The following TNKS variants were observed in gnomAD, a reference collection of about 807,000 sequenced individuals.
The protein encoded by TNKS is poly [ADP-ribose] polymerase tankyrase-1.
TNKS carries 72 observed loss-of-function variants against 135.8 expected under a neutral mutation model. That is an observed-to-expected ratio of 0.53 (90% confidence interval 0.44 to 0.64). The LOEUF (loss-of-function observed/expected upper bound fraction) is 0.64. Ranked by LOEUF, TNKS falls within the 30% of genes least tolerant of loss-of-function variation. TNKS has a pLI of 0.00. For synonymous variants in TNKS, 849 were observed against 649.3 expected (o/e 1.31, Z -4.68); for missense variants, 1,769 against 1,674.0 (o/e 1.06, Z -0.99).
At chr8:9,747,956 G>T in intron 17 of TNKS, 68 bp from the exon 18 acceptor site, 1 of 1,409,398 alleles carries the variant, frequency 7.1e-7, no homozygotes, top group Non-Finnish European at 9.6e-7. Context: ...ATAAAAACAG[G>T]TATACACAAT....
chr8:9,574,154 T>C (rs1392332069), intron 1 of TNKS, among the ~76,000 whole-genome samples: 1 of 152,256 alleles, frequency 6.6e-6, no homozygotes, highest in African/African-American at 2.4e-5. Context: ...TTTAAATTGC[T>C]TTGAATATGT....
intron 1 of TNKS, among the ~76,000 whole-genome samples, chr8:9,570,985 TAA>T (rs960137748): frequency 3.9e-5 from 6 of 152,112 alleles, no homozygotes; most frequent in Admixed American, 3.3e-4. Flanking sequence ...AAAAAATAAA[TAA>T]AAATCAACCA....
chr8:9,588,016 G>C (rs1229973995), intron 2 of TNKS, among the ~76,000 whole-genome samples: 2 of 152,268 alleles, frequency 1.3e-5, no homozygotes, highest in East Asian at 3.9e-4. Flanking sequence ...AATGATACTT[G>C]TAAGAATTCT....
At chr8:9,570,441 G>C (rs1334457354) in intron 1 of TNKS, among the ~76,000 whole-genome samples, 4 of 152,184 alleles carry the variant, frequency 2.6e-5, no homozygotes, top group Admixed American at 2.0e-4. Flanking sequence ...CAGTGGGCTG[G>C]GCAGAACCAC....
intron 20 of TNKS, among the ~76,000 whole-genome samples, 198 bp downstream of exon 20, chr8:9,752,824 G>A (rs1219853348): frequency 1.3e-5 from 2 of 151,948 alleles, no homozygotes; most frequent in Admixed American, 6.6e-5. Flanking sequence ...AGCTGAGCAT[G>A]GTGACTTACT....
chr8:9,752,667 A>G (rs372310090), intron 20 of TNKS, 41 bp downstream of exon 20: 42 of 1,373,744 alleles, frequency 3.1e-5, no homozygotes, highest in African/African-American at 2.6e-4. Context: ...TAAATTAAAT[A>G]CTAAGATTAG....
intron 3 of TNKS, among the ~76,000 whole-genome samples, chr8:9,623,984 A>C (rs1269589064): frequency 6.6e-6 from 1 of 152,194 alleles, no homozygotes; most frequent in Non-Finnish European, 1.5e-5. Context: ...TCTGGGTGAC[A>C]GAGCAAGAGA....
chr8:9,599,755 C>T (rs1404677088), intron 2 of TNKS, among the ~76,000 whole-genome samples: 2 of 151,922 alleles, frequency 1.3e-5, no homozygotes, highest in Non-Finnish European at 2.9e-5. Context: ...ACAGAATAAT[C>T]TATACCTAAG....
intron 3 of TNKS, among the ~76,000 whole-genome samples, chr8:9,653,687 C>T (rs777228215): frequency 1.3e-5 from 2 of 152,174 alleles, no homozygotes; most frequent in Non-Finnish European, 2.9e-5. Context: ...TTAAAGGCCC[C>T]ACTTCTCAGC....
intron 3 of TNKS, among the ~76,000 whole-genome samples, chr8:9,626,580 C>T (rs1397684279): frequency 6.6e-6 from 1 of 152,146 alleles, no homozygotes; most frequent in Non-Finnish European, 1.5e-5. Flanking sequence ...GAAACCTAGG[C>T]ATGTTGAGTA....
intron 3 of TNKS, among the ~76,000 whole-genome samples, chr8:9,669,789 T>TTTTTTTTTTTTTTTTTGAGACGG (rs1563156349): frequency 6.6e-6 from 1 of 150,434 alleles, no homozygotes; most frequent in African/African-American, 2.5e-5. Flanking sequence ...TAACAGTCTT[T>TTTTTTTTTTTTTTTTTGAGACGG]ACTTCTTATA....
chr8:9,761,825 C>G (rs1033049755), intron 21 of TNKS, among the ~76,000 whole-genome samples, 189 bp downstream of exon 21: 1 of 152,158 alleles, frequency 6.6e-6, no homozygotes, highest in African/African-American at 2.4e-5. Context: ...TCAGTCTTCC[C>G]TGTCTCCCAA....
intron 22 of TNKS, 49 bp from the exon 23 acceptor site, chr8:9,764,667 G>GAATT (rs1244455907): frequency 6.9e-7 from 1 of 1,440,522 alleles, no homozygotes; most frequent in East Asian, 2.4e-5. Flanking sequence ...TCATTGTCTA[G>GAATT]AATTACACAC....
chr8:9,717,066 TATTATA>T (rs1312054559), intron 11 of TNKS, among the ~76,000 whole-genome samples: 1 of 90,824 alleles, frequency 1.1e-5, no homozygotes, highest in Non-Finnish European at 2.3e-5. Flanking sequence ...TAATCTGTTG[TATTATA>T]ATATATATAT....
chr8:9,629,622 G>A (rs1800205794), intron 3 of TNKS, among the ~76,000 whole-genome samples: 1 of 152,098 alleles, frequency 6.6e-6, no homozygotes, highest in African/African-American at 2.4e-5. Flanking sequence ...TGGTTGCTTT[G>A]TTTGAAATGT....
At chr8:9,755,250 A>G (rs1191794408) in intron 20 of TNKS, among the ~76,000 whole-genome samples, 1 of 152,208 alleles carries the variant, frequency 6.6e-6, no homozygotes, top group Non-Finnish European at 1.5e-5. Context: ...TTAATAGTTT[A>G]GTCTCCTAGT....
At chr8:9,725,776 T>C (rs558673507) in intron 12 of TNKS, among the ~76,000 whole-genome samples, 2 of 152,342 alleles carry the variant, frequency 1.3e-5, no homozygotes, top group East Asian at 3.9e-4. Context: ...AAACATACTT[T>C]TGGTTGACAT....
intron 17 of TNKS, among the ~76,000 whole-genome samples, chr8:9,743,125 C>T (rs942627335): frequency 1.3e-5 from 2 of 152,144 alleles, no homozygotes; most frequent in African/African-American, 4.8e-5. Flanking sequence ...AGCCTGGCCA[C>T]ATATCATTTT....
chr8:9,556,219 A>T lies in TNKS; in HGVS notation c.280A>T (p.Ser94Cys). 1.2e-6 allele frequency: 2 copies of T among 1,614,176 alleles called. No individual in the cohort carries two copies. Among genetic ancestry groups the T allele is most frequent in the Non-Finnish European group, 1.7e-6 (2 of 1,180,036 alleles). Residue 94 changes from serine to cysteine, a missense_variant, in exon 1 of 27, where the codon AGC becomes TGC. Ser to Cys is a moderately radical substitution (Grantham distance 112). Coordinates refer to ENST00000310430, the MANE Select transcript of TNKS (RefSeq NM_003747.3). ...CGGTACCAGCTGTTGCAGTACCACC[A>T]GCACAATCTGTACCGTCGCCGCCGC... ...VDGTSCCSTT[S>C]TICTVAAAPV... is the part of the protein sequence containing the mutation.
Sources: allele counts gnomAD v4.1 joint callset (sites outside exome capture counted in the v4.1 genomes callset), GRCh38; gene constraint gnomAD v4.1.1; transcripts MANE v1.5; gene names NCBI Gene and HGNC (gene_info 2026-07-23, HGNC 2026-07-21).